Variants in SLC10A1 observed in about 807,000 individuals in gnomAD.
The protein encoded by SLC10A1 is hepatic sodium/bile acid cotransporter.
A neutral mutation model predicts 20.5 loss-of-function variants in SLC10A1; 36 were observed. That is an observed-to-expected ratio of 1.75 (90% CI 1.34 to 2.32). The LOEUF is 2.32. SLC10A1 is among the 30% of genes most tolerant of loss of function. The probability of loss-of-function intolerance (pLI) is 0.00; values close to 1 mark genes in which losing one functional copy is unlikely to be tolerated. For missense variants in SLC10A1, 545 were observed against 439.1 expected (o/e 1.24, Z -2.16); for synonymous variants, 188 against 163.6 (o/e 1.15, Z -1.14).
intron 2 of SLC10A1, among the ~76,000 whole-genome samples, chr14:69,783,084 G>A (rs1482905218): frequency 6.6e-6 from 1 of 152,062 alleles, no homozygotes; most frequent in East Asian, 1.9e-4. Context: ...TTTTAAAAAA[G>A]CAATCTTATG....
chr14:69,793,860 C>T (rs1290919098), intron 1 of SLC10A1, among the ~76,000 whole-genome samples: 1 of 152,254 alleles, frequency 6.6e-6, no homozygotes, highest in African/African-American at 2.4e-5. Context: ...AGGGCGTTTT[C>T]TCTTGCCTGT....
chr14:69,783,375 G>C (rs1422837587), intron 2 of SLC10A1, among the ~76,000 whole-genome samples: 1 of 152,196 alleles, frequency 6.6e-6, no homozygotes, highest in Non-Finnish European at 1.5e-5. Context: ...GTTAGCTGGA[G>C]TGTTGGGTGT....
chr14:69,779,558 G>T (rs1226271160), intron 2 of SLC10A1, among the ~76,000 whole-genome samples, 198 bp from the exon 3 acceptor site: 1 of 152,094 alleles, frequency 6.6e-6, no homozygotes, highest in Non-Finnish European at 1.5e-5. Context: ...TAGAGACAGG[G>T]TCTTACTATG....
intron 1 of SLC10A1, among the ~76,000 whole-genome samples, chr14:69,787,225 C>A (rs531073104): frequency 6.6e-6 from 1 of 152,122 alleles, no homozygotes; most frequent in Non-Finnish European, 1.5e-5. Flanking sequence ...TATGTCCTTC[C>A]AGCTCTAATA....
chr14:69,791,168 A>G (rs1000167476), intron 1 of SLC10A1, among the ~76,000 whole-genome samples: 1 of 152,178 alleles, frequency 6.6e-6, no homozygotes, highest in Admixed American at 6.5e-5. Flanking sequence ...TCAATATTAT[A>G]AAGATAGTCT....
intron 2 of SLC10A1, among the ~76,000 whole-genome samples, chr14:69,783,173 T>C (rs776574663): frequency 6.6e-6 from 1 of 152,176 alleles, no homozygotes; most frequent in Non-Finnish European, 1.5e-5. Flanking sequence ...TCTGCTGGTG[T>C]GTGGAAGAGC....
intron 1 of SLC10A1, among the ~76,000 whole-genome samples, chr14:69,787,595 A>G (rs1883752070): frequency 6.6e-6 from 1 of 152,236 alleles, no homozygotes; most frequent in African/African-American, 2.4e-5. Flanking sequence ...CGTAGCCATC[A>G]AGAACAATAG....
chr14:69,789,567 A>G (rs1014207596), intron 1 of SLC10A1, among the ~76,000 whole-genome samples: 4 of 152,152 alleles, frequency 2.6e-5, no homozygotes, highest in Admixed American at 1.3e-4. Flanking sequence ...GCTAAATGGG[A>G]TGGAGTTCCT....
intron 1 of SLC10A1, among the ~76,000 whole-genome samples, chr14:69,790,796 A>T (rs1883817029): frequency 1.3e-5 from 2 of 152,110 alleles, no homozygotes; most frequent in African/African-American, 4.8e-5. Context: ...GCACAGCAAA[A>T]CAAGAAATAG....
chr14:69,776,447 G>T, intron 4 of SLC10A1, 59 bp from the exon 5 acceptor site: 3 of 1,359,610 alleles, frequency 2.2e-6, no homozygotes, highest in Non-Finnish European at 3.1e-6. Context: ...GAACAATGAA[G>T]CTTGTTTAAT....
chr14:69,779,546 A>G (rs1475386138), intron 2 of SLC10A1, among the ~76,000 whole-genome samples, 186 bp from the exon 3 acceptor site: 1 of 152,194 alleles, frequency 6.6e-6, no homozygotes, highest in African/African-American at 2.4e-5. Context: ...AATTATTAAC[A>G]TTAGAGACAG....
chr14:69,796,153 G>A (rs747265460), intron 1 of SLC10A1, among the ~76,000 whole-genome samples: 6 of 152,194 alleles, frequency 3.9e-5, no homozygotes, highest in Non-Finnish European at 8.8e-5. Context: ...AGGGGGTGCT[G>A]CTGTCTTCCC....
intron 1 of SLC10A1, among the ~76,000 whole-genome samples, chr14:69,792,143 C>T (rs902143310): frequency 7.2e-5 from 11 of 151,738 alleles, no homozygotes; most frequent in African/African-American, 2.2e-4. Context: ...TTAGTAGAGA[C>T]GGGGTTTTGC....
chr14:69,778,226 A>G (rs958573312), intron 4 of SLC10A1, 107 bp downstream of exon 4: 5 of 868,922 alleles, frequency 5.8e-6, no homozygotes, highest in African/African-American at 5.1e-5. Flanking sequence ...GTGACTTGAT[A>G]AGAGTTAAAG....
At chr14:69,785,902 C>T (rs1225659563) in intron 2 of SLC10A1, among the ~76,000 whole-genome samples, 195 bp downstream of exon 2, 1 of 151,984 alleles carries the variant, frequency 6.6e-6, no homozygotes, top group Non-Finnish European at 1.5e-5. Flanking sequence ...AGCCACCACG[C>T]CAGCCTCATG....
At chr14:69,776,494 G>A (rs1883450721) in intron 4 of SLC10A1, 106 bp from the exon 5 acceptor site, 3 of 812,122 alleles carry the variant, frequency 3.7e-6, no homozygotes, top group Non-Finnish European at 6.0e-6. Flanking sequence ...GCCCTAGAGT[G>A]TGCTAAGTAT....
chr14:69,780,481 G>A (rs957657432), intron 2 of SLC10A1, among the ~76,000 whole-genome samples: 2 of 150,768 alleles, frequency 1.3e-5, no homozygotes, highest in Admixed American at 1.3e-4. Context: ...ATATTTCCTA[G>A]TAACATTTTA....
intron 1 of SLC10A1, among the ~76,000 whole-genome samples, chr14:69,787,920 TGTG>T (rs1883760066): frequency 6.6e-6 from 1 of 151,736 alleles, no homozygotes; most frequent in African/African-American, 2.4e-5. Context: ...ATTAGCCAGG[TGTG>T]GTGGTGTGCA....
At chr14:69,796,261 C>T (rs1294898660) in intron 1 of SLC10A1, among the ~76,000 whole-genome samples, 1 of 152,160 alleles carries the variant, frequency 6.6e-6, no homozygotes, top group African/African-American at 2.4e-5. Context: ...AATGTCATTG[C>T]ATCTGATGGG....
Sources: gnomAD v4.1 joint callset for allele counts (sites outside exome capture counted in the v4.1 genomes callset) on GRCh38, gnomAD v4.1.1 for gene constraint, MANE v1.5 for transcripts, NCBI Gene and HGNC (gene_info 2026-07-23, HGNC 2026-07-21) for gene names.